Variants in ZSWIM5 observed in about 807,000 individuals in gnomAD.
ZSWIM5 encodes the protein zinc finger SWIM domain-containing protein 5.
In ZSWIM5, 55 loss-of-function variants were observed where a neutral mutation model predicts 119.6. The observed-to-expected ratio is 0.46, with a 90% CI of 0.37 to 0.58. The LOEUF (loss-of-function observed/expected upper bound fraction) is 0.58. Among genes scored for constraint, ZSWIM5 ranks in the 20% least tolerant of loss-of-function variants. The pLI is 0.00. For synonymous variants in ZSWIM5, 537 were observed against 606.9 expected, an observed-to-expected ratio of 0.88 and a Z score of 1.69; for missense variants, 1,193 against 1,512.8, an observed-to-expected ratio of 0.79 and a Z score of 3.51.
intron 1 of ZSWIM5, among the ~76,000 whole-genome samples, chr1:45,145,930 A>G (rs1222028856): frequency 6.6e-6 from 1 of 152,188 alleles, no homozygotes; most frequent in African/African-American, 2.4e-5. Flanking sequence ...TGGTACCCTA[A>G]AAGCCTCATG....
chr1:45,111,727 T>A (rs943194114), intron 1 of ZSWIM5, among the ~76,000 whole-genome samples: 3 of 152,260 alleles, frequency 2.0e-5, no homozygotes, highest in Non-Finnish European at 2.9e-5. Context: ...TGACATTGAA[T>A]CTCTTTCACT....
intron 2 of ZSWIM5, among the ~76,000 whole-genome samples, chr1:45,077,786 C>T (rs910044259): frequency 6.6e-6 from 1 of 152,196 alleles, no homozygotes; most frequent in African/African-American, 2.4e-5. Flanking sequence ...CCTAGGTGCA[C>T]ATCCTCTTTC....
chr1:45,138,505 CAAAAA>C (rs759005534), intron 1 of ZSWIM5, among the ~76,000 whole-genome samples: 1 of 54,930 alleles, frequency 1.8e-5, no homozygotes, highest in Non-Finnish European at 3.9e-5. Context: ...AACTCCATCT[CAAAAA>C]AAAAAAAAAA....
At chr1:45,197,077 C>T (rs1570211341) in intron 1 of ZSWIM5, among the ~76,000 whole-genome samples, 1 of 152,362 alleles carries the variant, frequency 6.6e-6, no homozygotes, top group South Asian at 2.1e-4. Flanking sequence ...CCAATCAGAA[C>T]TCAGCTGTGT....
chr1:45,107,641 CAA>C (rs931372052), intron 1 of ZSWIM5, among the ~76,000 whole-genome samples: 8,128 of 68,068 alleles, frequency 0.12, 157 homozygotes, highest in Non-Finnish European at 0.16. Context: ...GACTCTGTCT[CAA>C]AAAAAAAAAA....
chr1:45,075,471 T>C (rs1645250829), intron 2 of ZSWIM5, among the ~76,000 whole-genome samples: 1 of 152,212 alleles, frequency 6.6e-6, no homozygotes, highest in South Asian at 2.1e-4. Flanking sequence ...CTTCTTTGTC[T>C]CTTCTTTTAG....
At position 45,205,865 on chromosome 1, in the gene ZSWIM5, G is replaced by C. The variant is rs749414149; in HGVS notation, c.486C>G (p.Pro162=). ...CCGCGCCGGCCCCTGCGCCCAGCCC[G>C]GGGGATGCCCCAGCCGCGACGCCCC... ...APGGVAAGAS[P]GLGAGAGAAG... is the part of the protein sequence containing the mutation. The change falls in exon 1 of 14, where the codon CCC becomes CCG. Residue 162 remains proline (P), a synonymous_variant. Coordinates refer to ENST00000359600, the MANE Select transcript of ZSWIM5 (RefSeq NM_020883.2). 3.8e-5 allele frequency: 52 copies of C among 1,369,032 alleles called. No homozygotes were observed. Among genetic ancestry groups the C allele is most frequent in the African/African-American group, 7.7e-5 (5 of 64,578 alleles). The allele number at this position is 1,369,032 out of a possible 1,614,324, so 84.8% of individuals were successfully genotyped here.
At chr1:45,194,205 C>T (rs1159739740) in intron 1 of ZSWIM5, among the ~76,000 whole-genome samples, 2 of 152,002 alleles carry the variant, frequency 1.3e-5, no homozygotes, top group Non-Finnish European at 2.9e-5. Context: ...GTGCTACAGG[C>T]CTCTATTCAA....
intron 1 of ZSWIM5, among the ~76,000 whole-genome samples, chr1:45,182,607 G>A (rs1049139479): frequency 4.5e-4 from 68 of 151,986 alleles, no homozygotes; most frequent in African/African-American, 1.5e-3. Context: ...TCCTAGTCTC[G>A]GATAAAACAG....
At chr1:45,058,878 G>T in intron 3 of ZSWIM5, 119 bp from the exon 4 acceptor site, 2 of 1,192,794 alleles carry the variant, frequency 1.7e-6, no homozygotes, top group Non-Finnish European at 2.4e-6. Context: ...ATCCAAAAGA[G>T]CCAGAAAGAA....
intron 11 of ZSWIM5, among the ~76,000 whole-genome samples, chr1:45,024,192 CTTT>C (rs59909524): frequency 7.7e-6 from 1 of 129,530 alleles, no homozygotes; most frequent in Non-Finnish European, 1.6e-5. Context: ...CTTTTCTTTT[CTTT>C]TTTTTTTTTT....
intron 2 of ZSWIM5, among the ~76,000 whole-genome samples, chr1:45,084,271 G>A: frequency 6.6e-6 from 1 of 152,140 alleles, no homozygotes; most frequent in Non-Finnish European, 1.5e-5. Context: ...AACAGCAAGG[G>A]ATAAATCCAC....
chr1:45,106,613 G>A lies in ZSWIM5; in HGVS notation c.596-18376C>T, dbSNP rs12025190. Among the ~76,000 whole-genome samples, 3,572 of 135,280 alleles carry A rather than the reference G, an allele frequency of 0.026. 409 individuals carry two copies. The East Asian group carries it at 0.39, about 15-fold the overall frequency. 88.7% of individuals were successfully genotyped at this position (135,280 alleles called of 152,430 possible). On this transcript the variant is annotated intron_variant, in intron 1 of 13. Coordinates refer to ENST00000359600, the MANE Select transcript of ZSWIM5 (RefSeq NM_020883.2). Reference sequence around the variant, plus strand: ...TGAGGTGCCTCTGCCCGGCCGCCCCGTCTGGGAAGTGAGGCGCGCCTCTGC... The same window carrying A: ...TGAGGTGCCTCTGCCCGGCCGCCCCATCTGGGAAGTGAGGCGCGCCTCTGC...
At chr1:45,053,096 C>T (rs1198055822) in intron 4 of ZSWIM5, among the ~76,000 whole-genome samples, 1 of 146,858 alleles carries the variant, frequency 6.8e-6, no homozygotes, top group Non-Finnish European at 1.5e-5. Context: ...GCACTCAAGC[C>T]TGAGCAACAA....
Position 45,035,715 on chromosome 1 carries a change from G to T in ZSWIM5, c.2264C>A (p.Ser755Tyr). The change falls in exon 10 of 14, where the codon TCC (serine) becomes TAC (tyrosine). Residue 755 changes from serine to tyrosine, a missense_variant. Coordinates refer to ENST00000359600, the MANE Select transcript of ZSWIM5 (RefSeq NM_020883.2). ...CATGGCACGTAAGGCTAATTTATAG[G>T]ACAGGTCTGGATCATGAGGCAGCAG... ...SALLPHDPDLSYKLALRAMRL... is the reference protein window; with the variant it reads ...SALLPHDPDLYYKLALRAMRL... 6.2e-7 allele frequency: 1 copy of T among 1,613,896 alleles called. No homozygotes were observed. The highest frequency in any genetic ancestry group is 8.5e-7 in the Non-Finnish European group (1 of 1,180,028).
At chr1:45,068,290 G>C (rs1645198210) in intron 2 of ZSWIM5, among the ~76,000 whole-genome samples, 1 of 151,542 alleles carries the variant, frequency 6.6e-6, no homozygotes, top group South Asian at 2.1e-4. Context: ...ATTTTTAGTA[G>C]AGATGGGATT....
chr1:45,066,948 G>A (rs1162232013), intron 2 of ZSWIM5, among the ~76,000 whole-genome samples: 1 of 152,188 alleles, frequency 6.6e-6, no homozygotes, highest in Non-Finnish European at 1.5e-5. Flanking sequence ...AAAGGCAAAG[G>A]TGTTAGGAGT....
intron 2 of ZSWIM5, among the ~76,000 whole-genome samples, chr1:45,077,658 G>T (rs546346057): frequency 6.6e-6 from 1 of 152,150 alleles, no homozygotes; most frequent in Non-Finnish European, 1.5e-5. Context: ...TATTAGGTGG[G>T]AATTTCCTCT....
intron 1 of ZSWIM5, among the ~76,000 whole-genome samples, chr1:45,134,511 C>T (rs916987971): frequency 2.0e-5 from 3 of 152,092 alleles, no homozygotes; most frequent in African/African-American, 7.2e-5. Flanking sequence ...TGTCTGATGC[C>T]AGTTAGTTTT....
Sources: allele counts gnomAD v4.1 joint callset (sites outside exome capture counted in the v4.1 genomes callset), GRCh38; gene constraint gnomAD v4.1.1; transcripts MANE v1.5; gene names NCBI Gene and HGNC (gene_info 2026-07-23, HGNC 2026-07-21).